The following PCDHGB4 variants were observed in gnomAD, a reference collection of about 807,000 sequenced individuals.
The protein encoded by PCDHGB4 is protocadherin gamma subfamily B, 4.
A neutral mutation model predicts 60.5 loss-of-function variants in PCDHGB4; 38 were observed. That is an observed-to-expected ratio of 0.63 (90% CI 0.48 to 0.82). PCDHGB4 has a LOEUF of 0.82. Among genes scored for constraint, PCDHGB4 ranks in the 40% least tolerant of loss-of-function variants. The pLI, the probability that PCDHGB4 is intolerant of heterozygous loss-of-function variation, is 0.00. For synonymous variants in PCDHGB4, 456 were observed against 509.7 expected, an observed-to-expected ratio of 0.89 and a Z score of 1.42; for missense variants, 1,109 against 1,209.6, an observed-to-expected ratio of 0.92 and a Z score of 1.23.
At chr5:141,404,692 C>G (rs543452623) in intron 1 of PCDHGB4, 2 of 1,614,080 alleles carry the variant, frequency 1.2e-6, no homozygotes, top group South Asian at 2.2e-5. Context: ...TGGCACCCCG[C>G]TCTGCAGAGC....
intron 1 of PCDHGB4, chr5:141,409,769 G>C (rs1413636372): frequency 1.2e-6 from 2 of 1,612,776 alleles, no homozygotes; most frequent in Non-Finnish European, 1.7e-6. Context: ...CTTTGATCAC[G>C]AGCAGCTGCG....
chr5:141,505,270 G>A (rs550800630), intron 2 of PCDHGB4, 123 bp from the exon 3 acceptor site: 103 of 1,520,724 alleles, frequency 6.8e-5, no homozygotes, highest in Middle Eastern at 4.6e-4. Context: ...CTTGCTGAGA[G>A]AAACAGGTCT....
At chr5:141,405,309 A>T (rs1019536231) in intron 1 of PCDHGB4, 2 of 1,614,068 alleles carry the variant, frequency 1.2e-6, no homozygotes, top group Non-Finnish European at 1.7e-6. Context: ...CAGAGCTGTG[A>T]GAAAAATGAG....
chr5:141,453,116 GT>G (rs2098756689), intron 1 of PCDHGB4, among the ~76,000 whole-genome samples: 1 of 151,698 alleles, frequency 6.6e-6, no homozygotes, highest in Admixed American at 6.6e-5. Context: ...GTTTTGTTTT[GT>G]TTTGTTTTGT....
Position 141,477,763 on chromosome 5 carries a change from C to G in PCDHGB4, c.2398-17044C>G, listed in dbSNP as rs763322593. The G allele has an allele frequency of 6.2e-7, 1 of 1,614,012 alleles. No homozygotes were observed. Among genetic ancestry groups the G allele is most frequent in the Non-Finnish European group, 8.5e-7 (1 of 1,180,032 alleles). Reference sequence around the variant, plus strand: ...ATGGGGGCACCCCGGTCCTAGCCACCAACATCAGCGTGAACATATTTGTCA... The same window carrying G: ...ATGGGGGCACCCCGGTCCTAGCCACGAACATCAGCGTGAACATATTTGTCA... On this transcript the variant is annotated intron_variant, in intron 1 of 3. Transcript: ENST00000519479. This position sits in a 1 kb window ranked among gnomAD's most constrained non-coding sequence, Gnocchi z 4.9.
At chr5:141,469,896 C>T (rs934040636) in intron 1 of PCDHGB4, among the ~76,000 whole-genome samples, 4 of 152,074 alleles carry the variant, frequency 2.6e-5, no homozygotes, top group Admixed American at 6.5e-5. Context: ...TTTGGGAAGC[C>T]GAGGCAGGCA....
chr5:141,408,634 A>C, intron 1 of PCDHGB4: 2 of 1,614,040 alleles, frequency 1.2e-6, no homozygotes, highest in South Asian at 2.2e-5. Flanking sequence ...AAATTTTCGA[A>C]TCTGCATCCG....
chr5:141,415,533 G>C lies in PCDHGB4; in HGVS notation c.2397+25252G>C, dbSNP rs749139053. On this transcript the variant is annotated intron_variant, in intron 1 of 3. Coordinates refer to ENST00000519479, the MANE Select transcript of PCDHGB4 (RefSeq NM_003736.4). ...ATTATGCGGACACGCTCATCAGCCA[G>C]GAGAGCTGTGAGAAAAACGATCCTT... is the stretch of plus-strand genomic sequence containing the variant. 1.4e-5 allele frequency: 22 copies of C among 1,614,080 alleles called. No individual in the cohort carries two copies. Among genetic ancestry groups the C allele is most frequent in the Non-Finnish European group, 1.9e-5 (22 of 1,180,042 alleles).
At chr5:141,500,116 C>T (rs1458562489) in intron 2 of PCDHGB4, among the ~76,000 whole-genome samples, 4 of 149,046 alleles carry the variant, frequency 2.7e-5, no homozygotes, top group Admixed American at 2.0e-4. Context: ...GAATCCCTGC[C>T]TTTTCATATA....
intron 1 of PCDHGB4, among the ~76,000 whole-genome samples, chr5:141,458,408 C>A (rs895785923): frequency 6.6e-6 from 1 of 151,932 alleles, no homozygotes; most frequent in East Asian, 1.9e-4. Flanking sequence ...AGAGACGGAG[C>A]GGGGGTTCCA....
Position 141,487,252 on chromosome 5 carries a change from G to T in PCDHGB4, c.2398-7555G>T. ...GAGAATCTCGTCTAACCCTCTACTT[G>T]GCTGTGTCCCTAGTGGCAATTTGCT... On this transcript the variant is annotated intron_variant, in intron 1 of 3. Transcript: ENST00000519479. The surrounding 1 kb of genome is among the most constrained non-coding windows in gnomAD (Gnocchi z 5.0). 1 of 1,614,110 alleles carries T rather than the reference G, an allele frequency of 6.2e-7. No homozygotes were observed. The highest frequency in any genetic ancestry group is 8.5e-7 in the Non-Finnish European group (1 of 1,180,014).
intron 1 of PCDHGB4, among the ~76,000 whole-genome samples, chr5:141,435,157 A>G (rs1387976305): frequency 6.6e-6 from 1 of 152,176 alleles, no homozygotes; most frequent in Non-Finnish European, 1.5e-5. Context: ...AAACTTTTGT[A>G]AATAGAGTGG....
chr5:141,482,859 G>A (rs1371172226), intron 1 of PCDHGB4, among the ~76,000 whole-genome samples: 3 of 148,230 alleles, frequency 2.0e-5, no homozygotes, highest in Admixed American at 6.7e-5. Flanking sequence ...ATCACTTGAG[G>A]TCAGGAGTTT....
intron 1 of PCDHGB4, chr5:141,409,446 C>A: frequency 6.2e-7 from 1 of 1,613,984 alleles, no homozygotes; most frequent in Middle Eastern, 1.6e-4. Flanking sequence ...CGAGAGCAGA[C>A]ACCAGAATAC....
chr5:141,408,328 C>A, intron 1 of PCDHGB4: 1 of 1,613,910 alleles, frequency 6.2e-7, no homozygotes, highest in South Asian at 1.1e-5. Flanking sequence ...AGGAGCTGGC[C>A]AAGGGCTCGG....
intron 1 of PCDHGB4, chr5:141,408,050 G>C: frequency 7.9e-7 from 1 of 1,259,544 alleles, no homozygotes; most frequent in South Asian, 1.6e-5. Context: ...CCCACACAGA[G>C]CCTCCCGGCT....
Position 141,485,098 on chromosome 5 carries a change from A to G in PCDHGB4, c.2398-9709A>G, listed in dbSNP as rs2099606903. ...CGGGGAAAGGGAGATAGGTGTCTCCAGCTGCTGTGGCTGTTTGGGGCGGGT... is the reference window on the plus strand; with the variant it reads ...CGGGGAAAGGGAGATAGGTGTCTCCGGCTGCTGTGGCTGTTTGGGGCGGGT... On this transcript the variant is annotated intron_variant, in intron 1 of 3. Transcript: ENST00000519479. This position sits in a 1 kb window ranked among gnomAD's most constrained non-coding sequence, Gnocchi z 5.7. 8.8e-7 allele frequency: 1 copy of G among 1,134,792 alleles called. No individual in the cohort carries two copies. Among genetic ancestry groups the G allele is most frequent in the South Asian group, 1.4e-5 (1 of 71,796 alleles). The allele number at this position is 1,134,792 out of a possible 1,614,324, so 70.3% of individuals were successfully genotyped here. A position where few individuals can be genotyped will look rare whatever the true frequency, so the allele number is the denominator to read the frequency against.
chr5:141,428,338 T>G, intron 1 of PCDHGB4: 7 of 592,492 alleles, frequency 1.2e-5, no homozygotes, highest in East Asian at 3.1e-5. Flanking sequence ...TATGCTCTTC[T>G]TCCTCGCAGT....
At position 141,388,702 on chromosome 5, in the gene PCDHGB4, T is replaced by G. The variant is rs201901866; in HGVS notation, c.818T>G (p.Val273Gly). 3.2e-3 allele frequency: 5,096 copies of G among 1,613,936 alleles called. 17 individuals are homozygous for G. The highest frequency in any genetic ancestry group is 8.9e-3 in the Middle Eastern group (54 of 6,062). The change falls in exon 1 of 4, where the codon GTC becomes GGC. Residue 273 changes from valine (V) to glycine (G), a missense_variant. Val to Gly is a moderately radical substitution (Grantham distance 109). Around this residue, in one of 2 missense-constraint regions of PCDHGB4, gnomAD observed 1,068 missense variants for 1,089.9 expected, o/e 0.98. Coordinates refer to ENST00000519479, the MANE Select transcript of PCDHGB4 (RefSeq NM_003736.4). ...ACTGCCACGGACCAGGATGAGGGTG[T>G]CAATGCCGAGATTACTTTCTCTTTC... ...QVTATDQDEGVNAEITFSFSE... is the reference protein window; with the variant it reads ...QVTATDQDEGGNAEITFSFSE...
Sources: gnomAD v4.1 joint callset for allele counts (sites outside exome capture counted in the v4.1 genomes callset) on GRCh38, gnomAD v4.1.1 for gene constraint, gnomAD v4.1.1 regional missense constraint, Gnocchi (gnomAD v3.1) non-coding constraint, MANE v1.5 for transcripts, NCBI Gene and HGNC (gene_info 2026-07-23, HGNC 2026-07-21) for gene names.